GDPD5: variants seen among roughly 807,000 people sequenced by gnomAD.
GDPD5 encodes glycerophosphodiester phosphodiesterase domain containing 5.
Under a neutral mutation model 75.1 loss-of-function variants are expected in GDPD5, and 48 were observed. The ratio of observed to expected loss-of-function variants is 0.64; its 90% CI spans 0.51 to 0.81. The LOEUF (loss-of-function observed/expected upper bound fraction) is 0.81, where lower values mean the gene tolerates loss of function less well. Ranked by LOEUF, GDPD5 falls within the 40% of genes least tolerant of loss-of-function variation. The pLI is 0.00. For missense variants in GDPD5, 706 were observed against 822.6 expected (o/e 0.86, Z 1.73); for synonymous variants, 336 against 339.0 (o/e 0.99, Z 0.10).
chr11:75,493,110 A>T (rs1950139016), intron 1 of GDPD5, among the ~76,000 whole-genome samples: 1 of 152,194 alleles, frequency 6.6e-6, no homozygotes, highest in African/African-American at 2.4e-5. Flanking sequence ...ATAAAACTCT[A>T]GCTACAGTGT....
rs201933116 is a variant in GDPD5, at chr11:75,473,888, C to T, written c.117+3731G>A. Among the ~76,000 whole-genome samples the T allele has an allele frequency of 9.8e-5, 15 of 152,294 alleles. No homozygotes were observed. The East Asian group carries it at 2.5e-3, about 25-fold the overall frequency. On this transcript the variant is annotated intron_variant, in intron 3 of 16. Transcript: ENST00000336898. ...GGTTTCCCCAGGCCTCCAAAATGAT[C>T]GACCTGGGTGGTCCAGGTGTGTCTG...
At chr11:75,510,529 C>A (rs983583373) in intron 1 of GDPD5, among the ~76,000 whole-genome samples, 5 of 152,222 alleles carry the variant, frequency 3.3e-5, no homozygotes, top group African/African-American at 1.2e-4. Context: ...CTTTTCCTCC[C>A]TCTGCTCCCA....
At chr11:75,441,564 GT>G in intron 13 of GDPD5, 81 bp downstream of exon 13, 16 of 1,274,848 alleles carry the variant, frequency 1.3e-5, no homozygotes, top group Non-Finnish European at 1.6e-5. Flanking sequence ...GTGTGTGTGT[GT>G]GTGTTGGGGG....
At position 75,449,895 on chromosome 11, in the gene GDPD5, A is replaced by G. The variant is rs766013169; in HGVS notation, c.464T>C (p.Ile155Thr). 6.2e-7 allele frequency: 1 copy of G among 1,613,220 alleles called. No homozygotes were observed. Among genetic ancestry groups the G allele is most frequent in the Non-Finnish European group, 8.5e-7 (1 of 1,179,604 alleles). Residue 155 changes from isoleucine to threonine, a missense_variant, in exon 7 of 17, where the codon ATC becomes ACC. By Grantham distance (89) the Ile-to-Thr change is moderately conservative. Coordinates refer to ENST00000336898, the MANE Select transcript of GDPD5 (RefSeq NM_030792.8). Reference protein sequence around the residue: ...LWEDEWEVLLISLQGTAPFLH... With the variant: ...LWEDEWEVLLTSLQGTAPFLH... ...ACCCTCCTCACTCACCTGCAGGGAG[A>G]TCAGCAGCACCTCCCACTCGTCCTC...
chr11:75,500,001 T>G (rs1453441044), intron 1 of GDPD5, among the ~76,000 whole-genome samples: 1 of 152,152 alleles, frequency 6.6e-6, no homozygotes, highest in African/African-American at 2.4e-5. Context: ...CCTGCAGATA[T>G]GAAGACTGGC....
chr11:75,462,668 T>C (rs1410369578), intron 4 of GDPD5, 118 bp downstream of exon 4: 5 of 723,354 alleles, frequency 6.9e-6, no homozygotes, highest in Non-Finnish European at 1.2e-5. Context: ...CACAGAGAGC[T>C]GGTGGCAGAG....
intron 3 of GDPD5, among the ~76,000 whole-genome samples, chr11:75,465,120 G>A (rs1949489391): frequency 5.3e-5 from 8 of 152,162 alleles, no homozygotes. Context: ...TCTTTAGACT[G>A]ACACCCATCT....
chr11:75,459,604 C>T (rs893453762), intron 4 of GDPD5, among the ~76,000 whole-genome samples: 9 of 152,006 alleles, frequency 5.9e-5, no homozygotes, highest in African/African-American at 1.4e-4. Context: ...GGGCAGATCA[C>T]GAGGTCAGGA....
At chr11:75,464,711 C>CA (rs1452275733) in intron 3 of GDPD5, among the ~76,000 whole-genome samples, 1 of 152,172 alleles carries the variant, frequency 6.6e-6, no homozygotes, top group African/African-American at 2.4e-5. Context: ...GGTGGCTTCT[C>CA]AGAGAGTAGG....
At chr11:75,466,109 G>A (rs1324348108) in intron 3 of GDPD5, among the ~76,000 whole-genome samples, 3 of 152,228 alleles carry the variant, frequency 2.0e-5, no homozygotes, top group Admixed American at 6.5e-5. Flanking sequence ...GGTGGTGGTT[G>A]GGGGTGAGGC....
At chr11:75,436,631 G>A (rs2135109523) in intron 16 of GDPD5, among the ~76,000 whole-genome samples, 1 of 152,260 alleles carries the variant, frequency 6.6e-6, no homozygotes, top group Admixed American at 6.5e-5. Context: ...CAGGCAAAGG[G>A]GGATGGGCCT....
chr11:75,438,241 C>G (rs895399166), intron 15 of GDPD5: 5 of 152,270 alleles, frequency 3.3e-5, no homozygotes, highest in Non-Finnish European at 5.9e-5. Flanking sequence ...CTGCCGTGTC[C>G]CGGGAGCCTG....
At chr11:75,503,206 G>C (rs1229382731) in intron 1 of GDPD5, among the ~76,000 whole-genome samples, 1 of 152,134 alleles carries the variant, frequency 6.6e-6, no homozygotes, top group Non-Finnish European at 1.5e-5. Context: ...TTTTAATAGA[G>C]ATGGGGGTTT....
chr11:75,449,049 G>A lies in GDPD5; in HGVS notation c.642C>T (p.Ser214=), dbSNP rs752138132. The A allele has an allele frequency of 6.2e-7, 1 of 1,609,092 alleles. No individual in the cohort carries two copies. Among genetic ancestry groups the A allele is most frequent in the Non-Finnish European group, 8.5e-7 (1 of 1,178,592 alleles). The change falls in exon 9 of 17, where the codon TCC becomes TCT. Residue 214 remains serine, a synonymous_variant. Coordinates refer to ENST00000336898, the MANE Select transcript of GDPD5 (RefSeq NM_030792.8). ...CTTTCTTCTCCATGATGCAGGGAGA[G>A]GAGATGGTGAGAGGGGCCAGGTAGA... ...FALYLAPLTI[S]SPCIMEKKDL...
chr11:75,464,500 G>A (rs932494013), intron 3 of GDPD5, among the ~76,000 whole-genome samples: 1 of 152,170 alleles, frequency 6.6e-6, no homozygotes, highest in Non-Finnish European at 1.5e-5. Context: ...TGGGCAAGAG[G>A]GCTGGTGCCT....
At chr11:75,441,397 C>T (rs142042920) in intron 13 of GDPD5, 87 bp from the exon 14 acceptor site, 23 of 1,517,974 alleles carry the variant, frequency 1.5e-5, no homozygotes, top group South Asian at 2.3e-5. Context: ...GTCCTGTTCA[C>T]GACCTCACAG....
At chr11:75,442,611 G>T in intron 11 of GDPD5, 30 bp from the exon 12 acceptor site, 1 of 1,603,958 alleles carries the variant, frequency 6.2e-7, no homozygotes, top group Non-Finnish European at 8.5e-7. Flanking sequence ...ACACATGGCT[G>T]CATCATCAGC....
At position 75,489,261 on chromosome 11, in the gene GDPD5, A is replaced by G. The variant is rs114019817; in HGVS notation, c.-61+976T>C. Among the ~76,000 whole-genome samples the G allele has an allele frequency of 5.3e-3, 813 of 152,328 alleles. 7 individuals are homozygous for G. Among genetic ancestry groups the G allele is most frequent in the African/African-American group, 0.019 (779 of 41,570 alleles). ...ATATCCATTTGCACATTTCTGTACC[A>G]TATCTAGTGTAAGATGACCTCAAAT... On this transcript the variant is annotated intron_variant, in intron 2 of 16. Coordinates refer to ENST00000336898, the MANE Select transcript of GDPD5 (RefSeq NM_030792.8).
chr11:75,440,100 T>C (rs1948745989), intron 14 of GDPD5, 139 bp from the exon 15 acceptor site: 5 of 632,410 alleles, frequency 7.9e-6, no homozygotes, highest in Admixed American at 3.0e-5. Context: ...GTCTGGGGGC[T>C]GAAGATGACA....
Sources: gnomAD v4.1 joint callset for allele counts (sites outside exome capture counted in the v4.1 genomes callset) on GRCh38, gnomAD v4.1.1 for gene constraint, MANE v1.5 for transcripts, NCBI Gene and HGNC (gene_info 2026-07-23, HGNC 2026-07-21) for gene names.